Variants in TRIO observed in about 807,000 individuals in gnomAD.
TRIO encodes trio Rho guanine nucleotide exchange factor, also known as triple functional domain protein.
A neutral mutation model predicts 351.9 loss-of-function variants in TRIO; 58 were observed. That is an observed-to-expected ratio of 0.16 (90% CI 0.13 to 0.21). TRIO has a LOEUF of 0.21. Ranked by LOEUF, TRIO falls within the 10% of genes least tolerant of loss-of-function variation. The pLI is 1.00. For missense variants in TRIO, 3,201 were observed against 4,027.8 expected (o/e 0.79, Z 5.56); for synonymous variants, 1,758 against 1,595.7 (o/e 1.10, Z -2.42).
intron 33 of TRIO, among the ~76,000 whole-genome samples, chr5:14,409,458 CT>C (rs1561456264): frequency 6.6e-6 from 1 of 151,736 alleles, no homozygotes; most frequent in Non-Finnish European, 1.5e-5. Flanking sequence ...ATGAGATACT[CT>C]ATCTGTGAAG....
chr5:14,347,664 T>G (rs189252478), intron 11 of TRIO, among the ~76,000 whole-genome samples: 1 of 152,336 alleles, frequency 6.6e-6, no homozygotes, highest in Admixed American at 6.5e-5. Context: ...GTTGCTGCAT[T>G]AAAAGCTTTG....
chr5:14,308,657 CCA>C (rs1738608468), intron 8 of TRIO, among the ~76,000 whole-genome samples: 1 of 111,156 alleles, frequency 9.0e-6, no homozygotes, highest in Admixed American at 8.1e-5. Flanking sequence ...CATCATCCAT[CCA>C]TCCATCCATC....
Position 14,143,610 on chromosome 5 carries a change from CGCCGGGCG to C in TRIO, c.-115_-108del. The C allele has an allele frequency of 3.6e-6, 1 of 280,708 alleles. No homozygotes were observed. The highest frequency in any genetic ancestry group is 6.7e-5 in the Admixed American group (1 of 14,922). The allele number at this position is 280,708 out of a possible 1,614,324, so 17.4% of individuals were successfully genotyped here. On this transcript the variant is annotated 5_prime_UTR_variant, in exon 1 of 57. It removes the in-frame stop codon of an upstream open reading frame in the 5' UTR. Coordinates refer to ENST00000344204, the MANE Select transcript of TRIO (RefSeq NM_007118.4). ...GCCGCCCCGGGGCTCTGCGTCCGCG[CGCCGGGCG>C]CGGGCAGCTGGGTGCTCGGCGCCGC... is the stretch of plus-strand genomic sequence containing the variant.
rs769505715 is a variant in TRIO at position 14,497,205 on chromosome 5, G to A, written c.8019+188G>A. 1.2e-4 allele frequency among the ~76,000 whole-genome samples: 18 copies of A among 152,098 alleles called. No individual in the cohort carries two copies. Among genetic ancestry groups the A allele is most frequent in the African/African-American group, 2.9e-4 (12 of 41,424 alleles). ...TGCTGGCCAGCACAGGGATGGGTGC[G>A]TCCTACAAGGAACCAGGTAGACCCC... is the stretch of plus-strand genomic sequence containing the variant. On this transcript the variant is annotated intron_variant, in intron 50 of 56. Transcript: ENST00000344204. The surrounding 1 kb of genome is among the most constrained non-coding windows in gnomAD (Gnocchi z 4.4).
chr5:14,191,570 C>T (rs1279522030), intron 1 of TRIO, among the ~76,000 whole-genome samples: 1 of 146,998 alleles, frequency 6.8e-6, no homozygotes, highest in African/African-American at 2.5e-5. Context: ...AGTAGTAGTA[C>T]ATCTTCTATT....
intron 1 of TRIO, among the ~76,000 whole-genome samples, chr5:14,157,747 G>A (rs1022110510): frequency 2.6e-5 from 4 of 152,038 alleles, no homozygotes; most frequent in African/African-American, 9.7e-5. Flanking sequence ...ACGACACCCA[G>A]CTAATTTTTG....
intron 38 of TRIO, among the ~76,000 whole-genome samples, chr5:14,471,918 GAAA>G (rs113768319): frequency 1.0e-4 from 15 of 144,004 alleles, no homozygotes; most frequent in Non-Finnish European, 2.3e-4. Context: ...TTTGGAGAAG[GAAA>G]AAAAAAAAAC....
At chr5:14,145,254 A>G (rs770790349) in intron 1 of TRIO, among the ~76,000 whole-genome samples, 9 of 152,250 alleles carry the variant, frequency 5.9e-5, no homozygotes, top group Non-Finnish European at 1.3e-4. Context: ...GGTGAGAGGC[A>G]GAAGTTAGCA....
At chr5:14,472,992 G>A (rs1754796358) in intron 39 of TRIO, among the ~76,000 whole-genome samples, 1 of 152,102 alleles carries the variant, frequency 6.6e-6, no homozygotes, top group African/African-American at 2.4e-5. Context: ...TGCCTTAATT[G>A]TATCACTACA....
chr5:14,366,158 C>T (rs1486129460), intron 15 of TRIO, among the ~76,000 whole-genome samples: 1 of 151,840 alleles, frequency 6.6e-6, no homozygotes, highest in African/African-American at 2.4e-5. Context: ...TAAGTAAAGC[C>T]CCAACTTTGG....
intron 1 of TRIO, among the ~76,000 whole-genome samples, chr5:14,155,431 A>C (rs1366100480): frequency 1.3e-5 from 2 of 152,204 alleles, no homozygotes; most frequent in African/African-American, 2.4e-5. Context: ...ACTAACTTTA[A>C]CACCTTTTTA....
At chr5:14,353,555 A>G (rs1179169625) in intron 11 of TRIO, among the ~76,000 whole-genome samples, 3 of 151,952 alleles carry the variant, frequency 2.0e-5, no homozygotes, top group Non-Finnish European at 4.4e-5. Flanking sequence ...GAACCACCAC[A>G]CCCAGCCCCA....
rs144724690 is a variant in TRIO, at chr5:14,283,994, T to C, written c.348-2877T>C. Among the ~76,000 whole-genome samples the C allele has an allele frequency of 2.4e-4, 37 of 152,216 alleles. 1 individual carries two copies. The East Asian group carries it at 7.0e-3, about 29-fold the overall frequency. On this transcript the variant is annotated intron_variant, in intron 3 of 56. Coordinates refer to ENST00000344204, the MANE Select transcript of TRIO (RefSeq NM_007118.4). Reference sequence around the variant, plus strand: ...AATTATGTTCTAGAACATTCTGCCTTCTTTAGAATGATTTTTGGTTGCTAA... The same window carrying C: ...AATTATGTTCTAGAACATTCTGCCTCCTTTAGAATGATTTTTGGTTGCTAA...
At position 14,336,118 on chromosome 5, in the gene TRIO, G is replaced by T. The variant is rs539488023; in HGVS notation, c.1855-418G>T. Among the ~76,000 whole-genome samples, 4 of 152,294 alleles carry T rather than the reference G, an allele frequency of 2.6e-5. No individual in the cohort carries two copies. In the South Asian group the frequency reaches 8.3e-4, roughly 32 times the overall value. ...TTTAACTTGTACTTCGAGAATTATC[G>T]TAAAGCATTGTATCATACGGAAAGA... On this transcript the variant is annotated intron_variant, in intron 10 of 56. Transcript: ENST00000344204.
At chr5:14,254,612 C>T (rs1266932907) in intron 1 of TRIO, among the ~76,000 whole-genome samples, 3 of 152,168 alleles carry the variant, frequency 2.0e-5, no homozygotes, top group South Asian at 2.1e-4. Flanking sequence ...TCTGTTCTCC[C>T]GCGAGAAAGG....
chr5:14,329,295 G>A (rs923616), intron 9 of TRIO, among the ~76,000 whole-genome samples: 25,480 of 152,270 alleles, frequency 0.17, 2,460 homozygotes, highest in Admixed American at 0.26. Flanking sequence ...TCGTCTGAAT[G>A]TTTGTGTCCC....
intron 31 of TRIO, among the ~76,000 whole-genome samples, chr5:14,401,768 G>A (rs913323821): frequency 1.3e-5 from 2 of 152,168 alleles, no homozygotes; most frequent in African/African-American, 2.4e-5. Context: ...AAATACAGAT[G>A]GAACTTTTGG....
chr5:14,247,142 CAGTG>C (rs1420618356), intron 1 of TRIO, among the ~76,000 whole-genome samples: 1 of 152,260 alleles, frequency 6.6e-6, no homozygotes, highest in African/African-American at 2.4e-5. Context: ...GGTGGCCCCT[CAGTG>C]AGCCTCGTGT....
intron 11 of TRIO, among the ~76,000 whole-genome samples, chr5:14,354,411 G>T (rs1743422848): frequency 6.6e-6 from 1 of 152,212 alleles, no homozygotes; most frequent in African/African-American, 2.4e-5. Context: ...ACAGCCAGAG[G>T]CCTCCATTGG....
Sources: gnomAD v4.1 joint callset for allele counts (sites outside exome capture counted in the v4.1 genomes callset) on GRCh38, gnomAD v4.1.1 for gene constraint, Gnocchi (gnomAD v3.1) non-coding constraint, MANE v1.5 for transcripts, NCBI Gene and HGNC (gene_info 2026-07-23, HGNC 2026-07-21) for gene names.